DNAJC7: variants seen among roughly 807,000 people sequenced by gnomAD.
DNAJC7 encodes the protein dnaJ homolog subfamily C member 7.
In DNAJC7, 18 loss-of-function variants were observed where a neutral mutation model predicts 67.4. That is an observed-to-expected ratio of 0.27 (90% CI 0.18 to 0.40). DNAJC7 has a LOEUF of 0.40. Ranked by LOEUF, DNAJC7 falls within the 10% of genes least tolerant of loss-of-function variation. The probability of loss-of-function intolerance (pLI) is 1.00; values close to 1 mark genes in which losing one functional copy is unlikely to be tolerated. For missense variants in DNAJC7, 419 were observed against 613.8 expected, an observed-to-expected ratio of 0.68 and a Z score of 3.35; for synonymous variants, 220 against 207.8, an observed-to-expected ratio of 1.06 and a Z score of -0.50.
In DNAJC7 at chr17:41,990,366, T is replaced by G; in HGVS notation, c.497A>C (p.Asp166Ala). ...GGCAGGGGCAAATTCTAGGGCACGG[T>G]CCATGCAGAAAACAACCTGTAGGGA... ...RDFRKVVFCM[D>A]RALEFAPACH... is the part of the protein sequence containing the mutation. Residue 166 changes from aspartate to alanine, a missense_variant, in exon 6 of 14, where the codon GAC becomes GCC. Transcript: ENST00000457167. 1 of 1,609,126 alleles carries G rather than the reference T, an allele frequency of 6.2e-7. No individual in the cohort carries two copies. Among genetic ancestry groups the G allele is most frequent in the Non-Finnish European group, 8.5e-7 (1 of 1,177,728 alleles).
chr17:41,981,505 T>A (rs2098888980), intron 12 of DNAJC7: 1 of 190,218 alleles, frequency 5.3e-6, no homozygotes, highest in Non-Finnish European at 1.1e-5. Flanking sequence ...AATTTTTGTA[T>A]TTTTAGTAGA....
intron 12 of DNAJC7, among the ~76,000 whole-genome samples, chr17:41,979,785 ACCC>A (rs1173670046): frequency 1.3e-5 from 2 of 151,264 alleles, no homozygotes; most frequent in Non-Finnish European, 2.9e-5. Flanking sequence ...ATATGGTAAA[ACCC>A]CGTCTCTACT....
intron 9 of DNAJC7, among the ~76,000 whole-genome samples, chr17:41,986,732 G>A (rs1415491895): frequency 6.6e-6 from 1 of 152,022 alleles, no homozygotes; most frequent in African/African-American, 2.4e-5. Flanking sequence ...ATAATTCCCT[G>A]TATGTTTCTG....
In DNAJC7 at chr17:42,017,433, G is replaced by C. The variant is rs1441382257; in HGVS notation, c.-17C>G. 3.1e-6 allele frequency: 5 copies of C among 1,604,752 alleles called. No individual in the cohort carries two copies. Among genetic ancestry groups the C allele is most frequent in the Non-Finnish European group, 4.2e-6 (5 of 1,179,836 alleles). On this transcript the variant is annotated 5_prime_UTR_variant, in exon 1 of 14. Coordinates refer to ENST00000457167, the MANE Select transcript of DNAJC7 (RefSeq NM_003315.4). ...AGCCGCCATCTTACCGCCGGGACCA[G>C]AGAGCTGGGTGGGAGGCCGGCGGTG...
chr17:41,998,629 TATA>T (rs781899880), intron 2 of DNAJC7, among the ~76,000 whole-genome samples: 8 of 152,322 alleles, frequency 5.3e-5, no homozygotes, highest in Middle Eastern at 3.4e-3. Flanking sequence ...AACTGTTTTG[TATA>T]ATGAGACATT....
At chr17:41,980,826 T>C (rs1413373671) in intron 12 of DNAJC7, among the ~76,000 whole-genome samples, 1 of 152,234 alleles carries the variant, frequency 6.6e-6, no homozygotes, top group Non-Finnish European at 1.5e-5. Flanking sequence ...ATGTATGACA[T>C]ACATAAATGT....
chr17:41,989,107 T>C (rs945781860), intron 7 of DNAJC7, among the ~76,000 whole-genome samples: 4 of 152,232 alleles, frequency 2.6e-5, no homozygotes, highest in South Asian at 2.1e-4. Flanking sequence ...ATGAGACCTA[T>C]GTTACTGGGT....
chr17:42,009,338 C>G (rs1467845334), intron 1 of DNAJC7, among the ~76,000 whole-genome samples: 2 of 152,152 alleles, frequency 1.3e-5, no homozygotes, highest in African/African-American at 4.8e-5. Context: ...CAAAATGCAC[C>G]AGAGGAGTCA....
chr17:41,980,544 C>G (rs538847965), intron 12 of DNAJC7, among the ~76,000 whole-genome samples: 2 of 152,166 alleles, frequency 1.3e-5, no homozygotes, highest in Non-Finnish European at 2.9e-5. Flanking sequence ...CACCACCATG[C>G]TCAGCTAATT....
At chr17:42,015,451 G>GA (rs2052241461) in intron 1 of DNAJC7, 1 of 152,126 alleles carries the variant, frequency 6.6e-6, no homozygotes, top group Non-Finnish European at 1.5e-5. Flanking sequence ...GGCTGTGATT[G>GA]AAGAAATGTA....
intron 9 of DNAJC7, among the ~76,000 whole-genome samples, chr17:41,984,023 T>C (rs1198079582): frequency 2.0e-5 from 3 of 152,142 alleles, no homozygotes; most frequent in Admixed American, 2.0e-4. Context: ...AATAAATGGG[T>C]ATGAAAGAGC....
chr17:41,980,335 A>G (rs1017058786), intron 12 of DNAJC7, among the ~76,000 whole-genome samples: 29 of 152,316 alleles, frequency 1.9e-4, no homozygotes, highest in African/African-American at 7.0e-4. Flanking sequence ...GGCGTGAGCC[A>G]CCATGCCCAG....
chr17:42,017,137 A>G (rs1664452648), intron 1 of DNAJC7: 6 of 1,476,380 alleles, frequency 4.1e-6, no homozygotes, highest in Non-Finnish European at 4.5e-6. Context: ...CTCAGCTCCT[A>G]CGCCAGGCGG....
Position 41,977,251 on chromosome 17 carries a change from G to T in DNAJC7, c.1447+10C>A. On this transcript the variant is annotated intron_variant, in intron 13 of 13. Coordinates refer to ENST00000457167, the MANE Select transcript of DNAJC7 (RefSeq NM_003315.4). ...ATCTGGGAACTCCCAAGAACAGCAGGCCCACCTACCTTCAAAGCTGAAGCC... is the reference window on the plus strand; with the variant it reads ...ATCTGGGAACTCCCAAGAACAGCAGTCCCACCTACCTTCAAAGCTGAAGCC... The T allele has an allele frequency of 6.3e-7, 1 of 1,576,692 alleles. No homozygotes were observed. The highest frequency in any genetic ancestry group is 8.6e-7 in the Non-Finnish European group (1 of 1,161,508).
At chr17:41,985,093 T>C (rs2051343837) in intron 9 of DNAJC7, 1 of 152,360 alleles carries the variant, frequency 6.6e-6, no homozygotes, top group Non-Finnish European at 1.5e-5. Flanking sequence ...CCTCCCAAAG[T>C]GCTGGGATTA....
In DNAJC7 at chr17:41,982,238, C is replaced by G. The variant is rs373515285; in HGVS notation, c.1231+17G>C. ...GCGGGTTCTTCCCACTGAGCCCACT[C>G]CCCGCACCTACTCTACCTGGATGGT... On this transcript the variant is annotated intron_variant, in intron 11 of 13. Coordinates refer to ENST00000457167, the MANE Select transcript of DNAJC7 (RefSeq NM_003315.4). 2 of 1,613,626 alleles carry G rather than the reference C, an allele frequency of 1.2e-6. No homozygotes were observed. The highest frequency in any genetic ancestry group is 2.7e-5 in the African/African-American group (2 of 74,930).
chr17:41,994,912 C>A lies in DNAJC7; in HGVS notation c.438G>T (p.Glu146Asp). 6.2e-7 allele frequency: 1 copy of A among 1,613,960 alleles called. No individual in the cohort carries two copies. The highest frequency in any genetic ancestry group is 8.5e-7 in the Non-Finnish European group (1 of 1,179,886). Reference sequence around the variant, plus strand: ...TCTCAAAATCTGTTTCTGCTATTTTCTCATATTCCATGACTGCATTAGCAT... The same window carrying A: ...TCTCAAAATCTGTTTCTGCTATTTTATCATATTCCATGACTGCATTAGCAT... The part of the protein sequence containing the change: ...FKNANAVMEY[E>D]KIAETDFEKR... Residue 146 changes from glutamate (E) to aspartate (D), a missense_variant, in exon 5 of 14, where the codon GAG becomes GAT. Glu to Asp is a conservative substitution (Grantham distance 45). Transcript: ENST00000457167.
intron 4 of DNAJC7, among the ~76,000 whole-genome samples, chr17:41,995,197 A>G (rs1294977840): frequency 6.6e-6 from 1 of 152,156 alleles, no homozygotes; most frequent in Non-Finnish European, 1.5e-5. Flanking sequence ...CCTCTCATAG[A>G]AGTCCCTAGG....
rs2052324640 is a variant in DNAJC7, at chr17:42,017,165, C to T, written c.77+175G>A. The T allele has an allele frequency of 3.3e-6, 5 of 1,509,208 alleles. No homozygotes were observed. The Admixed American group carries it at 6.4e-5, about 19-fold the overall frequency. The allele number at this position is 1,509,208 out of a possible 1,614,324, so 93.5% of individuals were successfully genotyped here. ...CCAGGCGGAAGCGGGAGAGGAAGGCCGACCCCCAAGAGCGCCCCTTCAGGG... is the reference window on the plus strand; with the variant it reads ...CCAGGCGGAAGCGGGAGAGGAAGGCTGACCCCCAAGAGCGCCCCTTCAGGG... On this transcript the variant is annotated intron_variant, in intron 1 of 13. Transcript: ENST00000457167.
Sources: allele counts gnomAD v4.1 joint callset (sites outside exome capture counted in the v4.1 genomes callset), GRCh38; gene constraint gnomAD v4.1.1; transcripts MANE v1.5; gene names NCBI Gene and HGNC (gene_info 2026-07-23, HGNC 2026-07-21).